SCP2: variants seen among roughly 807,000 people sequenced by gnomAD.
SCP2 encodes the protein SCP-2/3-oxoacyl-CoA thiolase.
In SCP2, 48 loss-of-function variants were observed where a neutral mutation model predicts 71.4. The ratio of observed to expected loss-of-function variants is 0.67; its 90% confidence interval spans 0.53 to 0.86. The LOEUF (loss-of-function observed/expected upper bound fraction) is 0.86, where lower values mean the gene tolerates loss of function less well. Ranked by LOEUF, SCP2 falls within the 40% of genes least tolerant of loss-of-function variation. The pLI is 0.00. For synonymous variants in SCP2, 220 were observed against 218.1 expected (o/e 1.01, Z -0.08); for missense variants, 560 against 655.6 (o/e 0.85, Z 1.59).
intron 6 of SCP2, among the ~76,000 whole-genome samples, chr1:52,964,367 A>AT (rs1656758873): frequency 6.6e-6 from 1 of 151,338 alleles, no homozygotes; most frequent in Non-Finnish European, 1.5e-5. Context: ...CACACATGGC[A>AT]TTTTTTGTAT....
At chr1:52,995,101 A>G in intron 11 of SCP2, 1 of 500,388 alleles carries the variant, frequency 2.0e-6, no homozygotes, top group Non-Finnish European at 4.1e-6. Context: ...GGAGTAAGAG[A>G]GCTGTGACTG....
At chr1:53,021,696 G>A (rs979847501) in intron 12 of SCP2, among the ~76,000 whole-genome samples, 1 of 146,568 alleles carries the variant, frequency 6.8e-6, no homozygotes, top group African/African-American at 2.5e-5. Context: ...CCAGGCTGGA[G>A]TGCAGCAGTA....
chr1:53,026,023 G>A (rs1262089699), intron 12 of SCP2, among the ~76,000 whole-genome samples: 1 of 152,090 alleles, frequency 6.6e-6, no homozygotes, highest in African/African-American at 2.4e-5. Context: ...TTTCCTCTTT[G>A]AATGGCTAGC....
rs1224457084 is a variant in SCP2, at chr1:53,000,266, AAAAAG to A, written c.1081+12134_1081+12138del. Reference sequence around the variant, plus strand: ...CTAGTTTCTACCAAAAAAAAAAAAAAAAAAGAAAGAATAAGTAAAATTTGGCTTTA... The same window carrying A: ...CTAGTTTCTACCAAAAAAAAAAAAAAAAAGAATAAGTAAAATTTGGCTTTA... On this transcript the variant is annotated intron_variant, in intron 11 of 15. Transcript: ENST00000371514. Among the ~76,000 whole-genome samples the A allele has an allele frequency of 9.1e-3, 1,379 of 151,976 alleles. 29 individuals carry two copies. Among genetic ancestry groups the A allele is most frequent in the African/African-American group, 0.032 (1,316 of 41,406 alleles).
At chr1:52,979,127 G>GCGA (rs1274981606) in intron 9 of SCP2, among the ~76,000 whole-genome samples, 2 of 152,100 alleles carry the variant, frequency 1.3e-5, no homozygotes, top group East Asian at 3.9e-4. Context: ...TTATATTTAG[G>GCGA]TTTCCTGGTT....
chr1:53,044,902 AG>A (rs932924847), intron 14 of SCP2, among the ~76,000 whole-genome samples: 1 of 152,220 alleles, frequency 6.6e-6, no homozygotes, highest in African/African-American at 2.4e-5. Flanking sequence ...ATATTTTAAA[AG>A]CTTTGTATTA....
At chr1:52,932,658 C>T (rs915522318) in intron 1 of SCP2, among the ~76,000 whole-genome samples, 1 of 152,016 alleles carries the variant, frequency 6.6e-6, no homozygotes, top group Admixed American at 6.6e-5. Context: ...ACCATGTGGA[C>T]TATGGTTTTA....
chr1:53,023,357 C>T (rs1661884770), intron 12 of SCP2, among the ~76,000 whole-genome samples: 1 of 152,148 alleles, frequency 6.6e-6, no homozygotes, highest in Non-Finnish European at 1.5e-5. Context: ...TTGTGGAGAA[C>T]TAGCTGTGGC....
chr1:53,036,137 T>C (rs1662932430), intron 13 of SCP2, among the ~76,000 whole-genome samples: 1 of 150,106 alleles, frequency 6.7e-6, no homozygotes. Context: ...AATTAAAGAC[T>C]ATATGTGACC....
intron 13 of SCP2, among the ~76,000 whole-genome samples, chr1:53,037,830 CA>C (rs148661697): frequency 0.015 from 2,257 of 150,152 alleles, 67 homozygotes; most frequent in African/African-American, 0.052. Flanking sequence ...TGCTTGAGCC[CA>C]GGAGTTTGAG....
At chr1:52,997,399 C>A (rs1367635231) in intron 11 of SCP2, among the ~76,000 whole-genome samples, 1 of 152,120 alleles carries the variant, frequency 6.6e-6, no homozygotes, top group Non-Finnish European at 1.5e-5. Context: ...AAACTCCTGA[C>A]CTCAAATGAT....
At chr1:52,993,494 T>G in intron 11 of SCP2, 5 of 1,613,178 alleles carry the variant, frequency 3.1e-6, no homozygotes, top group Non-Finnish European at 4.2e-6. Flanking sequence ...TCTTTGAAAC[T>G]TATAGATTTC....
chr1:52,993,345 C>G (rs1313955723), intron 11 of SCP2: 2 of 1,614,074 alleles, frequency 1.2e-6, no homozygotes, highest in East Asian at 4.5e-5. Flanking sequence ...TTTGCTGATG[C>G]CTCCATGTAT....
intron 2 of SCP2, among the ~76,000 whole-genome samples, chr1:52,946,760 TA>T (rs34417288): frequency 0.47 from 67,217 of 141,822 alleles, 16,432 homozygotes; most frequent in Non-Finnish European, 0.57. Context: ...TTTATATGTT[TA>T]AAAAAAAAAA....
In SCP2 at chr1:53,015,062, T is replaced by C; in HGVS notation, c.1235+19T>C. On this transcript the variant is annotated intron_variant, in intron 12 of 15. Coordinates refer to ENST00000371514, the MANE Select transcript of SCP2 (RefSeq NM_002979.5). ...CCGCCAGGTGAGTGACATTCAGAGT[T>C]TTGTGTGTCAGTTAATCCTTCTGAC... 1.2e-6 allele frequency: 2 copies of C among 1,612,778 alleles called. No homozygotes were observed. Among genetic ancestry groups the C allele is most frequent in the Non-Finnish European group, 1.7e-6 (2 of 1,178,776 alleles).
At chr1:53,019,429 A>C (rs1661563822) in intron 12 of SCP2, among the ~76,000 whole-genome samples, 1 of 152,182 alleles carries the variant, frequency 6.6e-6, no homozygotes, top group Non-Finnish European at 1.5e-5. Context: ...TTGATTTTCA[A>C]AATGCCCCTG....
chr1:53,043,825 A>C (rs1414107369), intron 14 of SCP2, among the ~76,000 whole-genome samples: 3 of 152,102 alleles, frequency 2.0e-5, no homozygotes, highest in African/African-American at 7.2e-5. Flanking sequence ...TTGATGTTAT[A>C]TATCTGCAAT....
At chr1:53,001,371 GA>G (rs1660305212) in intron 11 of SCP2, among the ~76,000 whole-genome samples, 1 of 152,068 alleles carries the variant, frequency 6.6e-6, no homozygotes, top group African/African-American at 2.4e-5. Flanking sequence ...GAGTTTTGGG[GA>G]AGGAGATGCA....
intron 13 of SCP2, 145 bp downstream of exon 13, chr1:53,028,216 A>G (rs1019671344): frequency 1.3e-5 from 8 of 619,872 alleles, no homozygotes; most frequent in African/African-American, 9.3e-5. Context: ...CTGAGTGTCT[A>G]TTAAGGCTTC....
Sources: allele counts gnomAD v4.1 joint callset (sites outside exome capture counted in the v4.1 genomes callset), GRCh38; gene constraint gnomAD v4.1.1; transcripts MANE v1.5; gene names NCBI Gene and HGNC (gene_info 2026-07-23, HGNC 2026-07-21).